The following KCNQ3 variants were observed in gnomAD, a reference collection of about 807,000 sequenced individuals.
The protein encoded by KCNQ3 is potassium voltage-gated channel subfamily KQT member 3.
KCNQ3 carries 30 observed loss-of-function variants against 92.5 expected under a neutral mutation model. That is an observed-to-expected ratio of 0.32 (90% CI 0.24 to 0.44). The LOEUF is 0.44. KCNQ3 is among the 20% of genes least tolerant of loss of function. The pLI, the probability that KCNQ3 is intolerant of heterozygous loss-of-function variation, is 1.00. For missense variants in KCNQ3, 913 were observed against 1,140.3 expected, an observed-to-expected ratio of 0.80 and a Z score of 2.87; for synonymous variants, 450 against 468.8, an observed-to-expected ratio of 0.96 and a Z score of 0.52.
chr8:132,190,292 A>G (rs1489223355), intron 1 of KCNQ3, among the ~76,000 whole-genome samples: 2 of 152,176 alleles, frequency 1.3e-5, no homozygotes, highest in Non-Finnish European at 2.9e-5. Context: ...TCTGAGTGCA[A>G]GCAGAACCTG....
intron 1 of KCNQ3, among the ~76,000 whole-genome samples, chr8:132,357,988 A>T (rs184163183): frequency 1.1e-3 from 162 of 152,360 alleles, no homozygotes; most frequent in African/African-American, 3.8e-3. Context: ...TCGACAGCCC[A>T]GCTGAAACAT....
intron 1 of KCNQ3, among the ~76,000 whole-genome samples, chr8:132,387,125 A>C (rs183233680): frequency 4.3e-4 from 66 of 152,348 alleles, no homozygotes; most frequent in Non-Finnish European, 2.8e-4. Flanking sequence ...CCAAAATCCT[A>C]AGTAAAATCT....
intron 1 of KCNQ3, among the ~76,000 whole-genome samples, chr8:132,372,919 G>T (rs1201102339): frequency 2.6e-5 from 4 of 152,114 alleles, no homozygotes; most frequent in Non-Finnish European, 5.9e-5. Context: ...CTGGGGGAAA[G>T]TTCCCTGTGA....
intron 1 of KCNQ3, among the ~76,000 whole-genome samples, chr8:132,239,515 G>A (rs189875078): frequency 7.2e-5 from 11 of 152,314 alleles, no homozygotes; most frequent in African/African-American, 2.4e-4. Context: ...GAGGAGACCA[G>A]AAGAAGATTG....
rs191755620 is a variant in KCNQ3, at chr8:132,378,261, G to T, written c.386+101886C>A. Among the ~76,000 whole-genome samples, 20 of 152,006 alleles carry T rather than the reference G, an allele frequency of 1.3e-4. 1 individual carries two copies. The highest frequency in any genetic ancestry group is 4.8e-4 in the African/African-American group (20 of 41,462). On this transcript the variant is annotated intron_variant, in intron 1 of 14. Coordinates refer to ENST00000388996, the MANE Select transcript of KCNQ3 (RefSeq NM_004519.4). Reference sequence around the variant, plus strand: ...ATACAAAAATTAGCCAAGCAAGGTGGGTTTGCCTGTAGTCCAAGCTACTGG... The same window carrying T: ...ATACAAAAATTAGCCAAGCAAGGTGTGTTTGCCTGTAGTCCAAGCTACTGG...
intron 1 of KCNQ3, among the ~76,000 whole-genome samples, chr8:132,272,232 C>T (rs1409313934): frequency 6.6e-6 from 1 of 152,216 alleles, no homozygotes; most frequent in African/African-American, 2.4e-5. Context: ...TGTGATAGTT[C>T]TCAGACCTTC....
intron 1 of KCNQ3, among the ~76,000 whole-genome samples, chr8:132,343,533 C>T (rs1818594722): frequency 6.6e-6 from 1 of 152,156 alleles, no homozygotes; most frequent in African/African-American, 2.4e-5. Context: ...TCTTGCTAAA[C>T]TCACAGGAGT....
Position 132,480,655 on chromosome 8 carries a change from C to T in KCNQ3, c.-123G>A. 1 of 1,038,008 alleles carries T rather than the reference C, an allele frequency of 9.6e-7. No homozygotes were observed. Among genetic ancestry groups the T allele is most frequent in the Non-Finnish European group, 1.2e-6 (1 of 845,048 alleles). 64.3% of individuals were successfully genotyped at this position (1,038,008 alleles called of 1,614,324 possible). On this transcript the variant is annotated 5_prime_UTR_variant, in exon 1 of 15. Coordinates refer to ENST00000388996, the MANE Select transcript of KCNQ3 (RefSeq NM_004519.4). ...GCCCGGGAACTCCAATGCCATGATC[C>T]GCGCGCCCCTCCCCACCCCCCCCCA... is the stretch of plus-strand genomic sequence containing the variant.
intron 10 of KCNQ3, chr8:132,140,652 G>A: frequency 4.0e-6 from 1 of 249,810 alleles, no homozygotes; most frequent in Non-Finnish European, 7.8e-6. Context: ...GAGGGCCTGG[G>A]TGGGCTCAGA....
intron 1 of KCNQ3, among the ~76,000 whole-genome samples, chr8:132,191,518 C>CTA (rs1827158089): frequency 6.6e-6 from 1 of 150,620 alleles, no homozygotes; most frequent in African/African-American, 2.4e-5. Context: ...ATGTATCTCT[C>CTA]TCTCTATATA....
intron 1 of KCNQ3, among the ~76,000 whole-genome samples, chr8:132,209,882 A>C (rs1813797236): frequency 6.6e-6 from 1 of 152,164 alleles, no homozygotes; most frequent in Non-Finnish European, 1.5e-5. Context: ...ACCCTGTCAT[A>C]ATTCAGTGGG....
At chr8:132,181,075 T>G (rs926591041) in intron 3 of KCNQ3, among the ~76,000 whole-genome samples, 3 of 152,048 alleles carry the variant, frequency 2.0e-5, no homozygotes, top group African/African-American at 7.2e-5. Context: ...TTTGGAAAGA[T>G]GTAAGGCCCA....
At chr8:132,472,259 G>T (rs1388210294) in intron 1 of KCNQ3, among the ~76,000 whole-genome samples, 2 of 152,134 alleles carry the variant, frequency 1.3e-5, no homozygotes, top group African/African-American at 4.8e-5. Flanking sequence ...CCACTACTGG[G>T]TATTTGTCCA....
At chr8:132,447,636 T>G (rs928304934) in intron 1 of KCNQ3, among the ~76,000 whole-genome samples, 1 of 152,052 alleles carries the variant, frequency 6.6e-6, no homozygotes, top group Admixed American at 6.5e-5. Flanking sequence ...TCAATAGAAG[T>G]GCCTAAAGTT....
At chr8:132,459,746 T>C (rs549964593) in intron 1 of KCNQ3, among the ~76,000 whole-genome samples, 14 of 151,836 alleles carry the variant, frequency 9.2e-5, no homozygotes, top group African/African-American at 3.4e-4. Flanking sequence ...GTTTTTTTTT[T>C]TTTTTAATTC....
At chr8:132,137,254 G>C (rs896055589) in intron 12 of KCNQ3, among the ~76,000 whole-genome samples, 19 of 152,136 alleles carry the variant, frequency 1.2e-4, no homozygotes, top group African/African-American at 3.9e-4. Flanking sequence ...TGGTGTATTA[G>C]AGAGAATAGA....
intron 1 of KCNQ3, among the ~76,000 whole-genome samples, chr8:132,404,406 A>T (rs1414604614): frequency 6.6e-6 from 1 of 152,218 alleles, no homozygotes; most frequent in African/African-American, 2.4e-5. Context: ...TATAGAGGTG[A>T]TTAAAGTCCC....
intron 1 of KCNQ3, among the ~76,000 whole-genome samples, chr8:132,361,359 C>A (rs1470361353): frequency 6.6e-6 from 1 of 152,180 alleles, no homozygotes; most frequent in Non-Finnish European, 1.5e-5. Context: ...CCCAAATGGC[C>A]ATACCTGGTA....
At chr8:132,153,740 C>T (rs1345566039) in intron 9 of KCNQ3, among the ~76,000 whole-genome samples, 1 of 152,110 alleles carries the variant, frequency 6.6e-6, no homozygotes, top group Non-Finnish European at 1.5e-5. Context: ...GCAAGCCCCC[C>T]CCCCATTAAC....
Sources: allele counts gnomAD v4.1 joint callset (sites outside exome capture counted in the v4.1 genomes callset), GRCh38; gene constraint gnomAD v4.1.1; transcripts MANE v1.5; gene names NCBI Gene and HGNC (gene_info 2026-07-23, HGNC 2026-07-21).